The following SYCP2L variants were observed in gnomAD, a reference collection of about 807,000 sequenced individuals.
The protein encoded by SYCP2L is synaptonemal complex protein 2 like.
Under a neutral mutation model 125.8 loss-of-function variants are expected in SYCP2L, and 98 were observed. The ratio of observed to expected loss-of-function variants is 0.78; its 90% CI spans 0.66 to 0.92. The LOEUF is 0.92. Among genes scored for constraint, SYCP2L ranks in the 40% least tolerant of loss-of-function variants. SYCP2L has a pLI of 0.00. For missense variants in SYCP2L, 842 were observed against 936.4 expected, an observed-to-expected ratio of 0.90 and a Z score of 1.32; for synonymous variants, 317 against 325.4, an observed-to-expected ratio of 0.97 and a Z score of 0.28.
At chr6:10,961,607 G>C in intron 28 of SYCP2L, 49 bp downstream of exon 28, 1 of 1,579,770 alleles carries the variant, frequency 6.3e-7, no homozygotes, top group Non-Finnish European at 8.7e-7. Flanking sequence ...GAAGTATGAG[G>C]TAATGCTTTA....
At position 10,930,177 on chromosome 6, in the gene SYCP2L, A is replaced by G. The variant is rs144006777; in HGVS notation, c.1489-193A>G. 371 of 493,910 alleles carry G rather than the reference A, an allele frequency of 7.5e-4. 2 individuals are homozygous for G. In the East Asian group the frequency reaches 7.6e-3, roughly 10 times the overall value. 30.6% of individuals were successfully genotyped at this position (493,910 alleles called of 1,614,324 possible). On this transcript the variant is annotated intron_variant, in intron 18 of 29. Coordinates refer to ENST00000283141, the MANE Select transcript of SYCP2L (RefSeq NM_001040274.3). Reference sequence around the variant, plus strand: ...GATTTTGTCATCCTATACAACAGCAACTTGGTTGAGAATTGACTGATGGAA... The same window carrying G: ...GATTTTGTCATCCTATACAACAGCAGCTTGGTTGAGAATTGACTGATGGAA...
At chr6:10,910,901 C>A in intron 12 of SYCP2L, 32 bp downstream of exon 12, 1 of 1,611,416 alleles carries the variant, frequency 6.2e-7, no homozygotes, top group South Asian at 1.1e-5. Context: ...GTCCTGAGGG[C>A]GGTGTGCAGT....
chr6:10,938,468 C>T (rs893885774), intron 21 of SYCP2L, among the ~76,000 whole-genome samples: 1 of 152,110 alleles, frequency 6.6e-6, no homozygotes, highest in African/African-American at 2.4e-5. Flanking sequence ...TGGTGAAAAG[C>T]TGAAAGCTTT....
At position 10,973,992 on chromosome 6, in the gene SYCP2L, G is replaced by C. The variant is rs567638269; in HGVS notation, c.*78G>C. The C allele has an allele frequency of 6.6e-6, 1 of 152,272 alleles. No individual in the cohort carries two copies. Among genetic ancestry groups the C allele is most frequent in the East Asian group, 1.9e-4 (1 of 5,206 alleles). The allele number at this position is 152,272 out of a possible 1,614,324, so 9.4% of individuals were successfully genotyped here. ...GACGAAGAGAAAGAGCAAGGTTATT[G>C]TTGGCTCAGGCCTTGTTAGCCAGAC... On this transcript the variant is annotated 3_prime_UTR_variant, in exon 30 of 30. Transcript: ENST00000283141.
At chr6:10,910,749 C>T in intron 11 of SYCP2L, 75 bp from the exon 12 acceptor site, 2 of 1,498,502 alleles carry the variant, frequency 1.3e-6, no homozygotes, top group South Asian at 2.3e-5. Context: ...GTTATAAGTG[C>T]TTGTTGCGGA....
intron 10 of SYCP2L, among the ~76,000 whole-genome samples, chr6:10,908,448 T>C (rs1182245223): frequency 2.0e-5 from 3 of 152,180 alleles, no homozygotes; most frequent in Non-Finnish European, 2.9e-5. Flanking sequence ...TACTTTTTTT[T>C]TTCTTCTCTG....
In SYCP2L at chr6:10,887,071, G is replaced by C. The variant is rs1039347158; in HGVS notation, c.-56G>C. The C allele has an allele frequency of 6.8e-6, 11 of 1,612,650 alleles. No individual in the cohort carries two copies. Among genetic ancestry groups the C allele is most frequent in the Non-Finnish European group, 8.5e-6 (10 of 1,179,144 alleles). ...TTGGGCGGGGAAGCAGGAGAGGGCC[G>C]ACCGAGCGCAACAAAGCTGAGCGGC... On this transcript the variant is annotated 5_prime_UTR_variant, in exon 1 of 30. Coordinates refer to ENST00000283141, the MANE Select transcript of SYCP2L (RefSeq NM_001040274.3).
At chr6:10,905,448 A>T (rs1484734655) in intron 8 of SYCP2L, among the ~76,000 whole-genome samples, 1 of 151,934 alleles carries the variant, frequency 6.6e-6, no homozygotes, top group Non-Finnish European at 1.5e-5. Context: ...ATGTGCTGCC[A>T]CACCTGGCTA....
intron 10 of SYCP2L, among the ~76,000 whole-genome samples, chr6:10,909,115 A>G (rs1415400762): frequency 2.3e-5 from 2 of 88,852 alleles, no homozygotes; most frequent in Admixed American, 1.7e-4. Flanking sequence ...TTCTCAATTG[A>G]ATTTTTTTTT....
intron 4 of SYCP2L, among the ~76,000 whole-genome samples, chr6:10,897,185 C>A (rs1242431507): frequency 1.3e-5 from 2 of 151,998 alleles, no homozygotes; most frequent in Admixed American, 6.6e-5. Context: ...CCAATCCCAG[C>A]AGTTTAATAT....
chr6:10,905,891 A>C (rs1056861810), intron 8 of SYCP2L, 129 bp from the exon 9 acceptor site: 2 of 615,620 alleles, frequency 3.2e-6, no homozygotes, highest in East Asian at 5.5e-5. Context: ...GGCATTAAGG[A>C]AATTTTGATG....
intron 11 of SYCP2L, 100 bp downstream of exon 11, chr6:10,910,300 T>C (rs1780584396): frequency 1.8e-6 from 2 of 1,085,914 alleles, no homozygotes; most frequent in Admixed American, 2.0e-5. Context: ...GGAGAGAATA[T>C]TGGGTACATC....
At chr6:10,906,818 C>T (rs181224636) in intron 9 of SYCP2L, among the ~76,000 whole-genome samples, 37 of 151,782 alleles carry the variant, frequency 2.4e-4, no homozygotes, top group Non-Finnish European at 4.1e-4. Context: ...AGGCTGGTCT[C>T]GAACTCCTGA....
At chr6:10,966,014 G>A (rs544650905) in intron 29 of SYCP2L, among the ~76,000 whole-genome samples, 2 of 152,288 alleles carry the variant, frequency 1.3e-5, no homozygotes, top group East Asian at 1.9e-4. Flanking sequence ...TTGGGAGGCT[G>A]AGGCAGGAGA....
intron 14 of SYCP2L, among the ~76,000 whole-genome samples, chr6:10,919,302 T>C (rs909350314): frequency 6.6e-5 from 10 of 152,190 alleles, no homozygotes; most frequent in South Asian, 2.1e-4. Context: ...TTTCCTATGG[T>C]TGTGGCTTCC....
chr6:10,958,575 T>C (rs1465958255), intron 25 of SYCP2L, among the ~76,000 whole-genome samples: 2 of 152,130 alleles, frequency 1.3e-5, no homozygotes, highest in East Asian at 3.9e-4. Flanking sequence ...TGAGTGTAAA[T>C]TTTTCTATTT....
chr6:10,924,717 T>C lies in SYCP2L; in HGVS notation c.1218+76T>C, dbSNP rs1009303140. 2.0e-5 allele frequency: 26 copies of C among 1,269,698 alleles called. No individual in the cohort carries two copies. The African/African-American group carries it at 3.7e-4, about 18-fold the overall frequency. The allele number at this position is 1,269,698 out of a possible 1,614,324, so 78.7% of individuals were successfully genotyped here. On this transcript the variant is annotated intron_variant, in intron 15 of 29. Coordinates refer to ENST00000283141, the MANE Select transcript of SYCP2L (RefSeq NM_001040274.3). ...ATGTCTATTAAATGTCCTTGTTGGG[T>C]TTTGATGTGAATATTTGATAAAGCA...
chr6:10,887,230 G>GT, intron 1 of SYCP2L, 95 bp downstream of exon 1: 3 of 1,553,608 alleles, frequency 1.9e-6, no homozygotes, highest in Non-Finnish European at 2.7e-6. Context: ...CCGCCTTGAG[G>GT]TGTTCGCTCA....
intron 26 of SYCP2L, 137 bp from the exon 27 acceptor site, chr6:10,961,168 G>C: frequency 1.5e-6 from 1 of 669,030 alleles, no homozygotes. Context: ...GAAGAGAAGG[G>C]AGATACTACA....
Sources: gnomAD v4.1 joint callset for allele counts (sites outside exome capture counted in the v4.1 genomes callset) on GRCh38, gnomAD v4.1.1 for gene constraint, MANE v1.5 for transcripts, NCBI Gene and HGNC (gene_info 2026-07-23, HGNC 2026-07-21) for gene names.